Variants in SPIDR observed in about 807,000 individuals in gnomAD.
SPIDR encodes scaffold protein involved in DNA repair.
A neutral mutation model predicts 104.6 loss-of-function variants in SPIDR; 93 were observed. The observed-to-expected ratio is 0.89, with a 90% CI of 0.75 to 1.06. The LOEUF is 1.06. SPIDR is among the 50% of genes least tolerant of loss of function. The pLI is 0.00. For synonymous variants in SPIDR, 431 were observed against 416.9 expected (o/e 1.03, Z -0.41); for missense variants, 1,154 against 1,111.2 (o/e 1.04, Z -0.55).
intron 6 of SPIDR, among the ~76,000 whole-genome samples, chr8:47,406,513 G>C (rs1554667364): frequency 6.6e-6 from 1 of 152,172 alleles, no homozygotes; most frequent in African/African-American, 2.4e-5. Context: ...ATATTTCTGA[G>C]CATAAGAGGT....
rs117952998 is a variant in SPIDR, at chr8:47,367,954, G to C, written c.526-28422G>C. Among the ~76,000 whole-genome samples, 26 of 152,262 alleles carry C rather than the reference G, an allele frequency of 1.7e-4. 1 individual carries two copies. Among genetic ancestry groups the C allele is most frequent in the Middle Eastern group, 3.4e-3 (1 of 294 alleles). On this transcript the variant is annotated intron_variant, in intron 5 of 19. Coordinates refer to ENST00000297423, the MANE Select transcript of SPIDR (RefSeq NM_001080394.4). ...ATGCTTGTTATCCTAGTCCACTGGG[G>C]CTGCTGTACCAAAGTACCACAGATC...
chr8:47,452,344 C>CTTCCCTAACTCATTTTA (rs1461243149), intron 8 of SPIDR, among the ~76,000 whole-genome samples: 2 of 152,182 alleles, frequency 1.3e-5, no homozygotes, highest in African/African-American at 4.8e-5. Context: ...CTGAAAGAAT[C>CTTCCCTAACTCATTTTA]TTCCCTAACT....
intron 1 of SPIDR, chr8:47,276,789 T>C (rs2036516471): frequency 6.6e-6 from 1 of 152,204 alleles, no homozygotes; most frequent in Admixed American, 6.5e-5. Flanking sequence ...GACTTAATGA[T>C]AGAACTGGTT....
chr8:47,597,642 T>C (rs975751975), intron 9 of SPIDR, among the ~76,000 whole-genome samples: 2 of 152,238 alleles, frequency 1.3e-5, no homozygotes, highest in African/African-American at 2.4e-5. Flanking sequence ...CCTCCTTTAT[T>C]TATTTAAAAA....
intron 5 of SPIDR, among the ~76,000 whole-genome samples, chr8:47,301,137 T>C (rs1009525331): frequency 1.3e-5 from 2 of 152,208 alleles, no homozygotes; most frequent in African/African-American, 2.4e-5. Flanking sequence ...GCTCCCGTAT[T>C]GGGTGCATAT....
chr8:47,322,766 G>T (rs562140067), intron 5 of SPIDR, among the ~76,000 whole-genome samples: 10 of 152,136 alleles, frequency 6.6e-5, no homozygotes, highest in Middle Eastern at 3.4e-3. Context: ...CCATAAAAAA[G>T]GATGAGTTCA....
intron 14 of SPIDR, among the ~76,000 whole-genome samples, chr8:47,709,953 C>G (rs1403013623): frequency 1.3e-5 from 2 of 151,008 alleles, no homozygotes; most frequent in African/African-American, 4.9e-5. Context: ...TCTCAGCACA[C>G]TGCAACCTCC....
At chr8:47,572,673 A>AAAATAAATAAGTAAATAAATAAAT (rs1554807757) in intron 8 of SPIDR, among the ~76,000 whole-genome samples, 1 of 145,874 alleles carries the variant, frequency 6.9e-6, no homozygotes, top group Middle Eastern at 3.4e-3. Flanking sequence ...AAATTAAATT[A>AAAATAAATAAGTAAATAAATAAAT]AAATAAATAA....
At chr8:47,322,110 G>C (rs1009164182) in intron 5 of SPIDR, among the ~76,000 whole-genome samples, 1 of 152,052 alleles carries the variant, frequency 6.6e-6, no homozygotes, top group Non-Finnish European at 1.5e-5. Context: ...CTAATTAAAC[G>C]AAAGAGCTTC....
In SPIDR at chr8:47,490,666, A is replaced by C. The variant is rs527972593; in HGVS notation, c.1097+50124A>C. Among the ~76,000 whole-genome samples, 18 of 152,372 alleles carry C rather than the reference A, an allele frequency of 1.2e-4. No individual in the cohort carries two copies. The East Asian group carries it at 1.7e-3, about 15-fold the overall frequency. ...ATACACCATGGAATACTATGTAGCCATAAAAAAGGATGAGTTCATGTCCTT... is the reference window on the plus strand; with the variant it reads ...ATACACCATGGAATACTATGTAGCCCTAAAAAAGGATGAGTTCATGTCCTT... On this transcript the variant is annotated intron_variant, in intron 8 of 19. Transcript: ENST00000297423.
At chr8:47,435,399 G>A (rs1427722156) in intron 7 of SPIDR, among the ~76,000 whole-genome samples, 1 of 151,848 alleles carries the variant, frequency 6.6e-6, no homozygotes, top group Non-Finnish European at 1.5e-5. Context: ...AGAGCAGTTA[G>A]CTGATTAAAT....
intron 8 of SPIDR, chr8:47,511,402 T>A: frequency 1.2e-6 from 1 of 851,812 alleles, no homozygotes; most frequent in Non-Finnish European, 2.1e-6. Flanking sequence ...TTTGAAGGCT[T>A]ATTTGGACTT....
chr8:47,277,312 TTTG>T (rs2036653582), intron 1 of SPIDR, among the ~76,000 whole-genome samples: 2 of 129,968 alleles, frequency 1.5e-5, no homozygotes, highest in African/African-American at 2.8e-5. Flanking sequence ...TTATGTTATG[TTTG>T]TTATGTTATG....
At chr8:47,707,856 C>T (rs986559496) in intron 14 of SPIDR, among the ~76,000 whole-genome samples, 2 of 152,184 alleles carry the variant, frequency 1.3e-5, no homozygotes, top group African/African-American at 2.4e-5. Context: ...GATATATCGT[C>T]CTTCCTCCAT....
intron 8 of SPIDR, among the ~76,000 whole-genome samples, chr8:47,520,733 A>C (rs914848501): frequency 1.3e-5 from 2 of 152,226 alleles, no homozygotes; most frequent in Non-Finnish European, 2.9e-5. Context: ...AGGTTAAATA[A>C]CTTGCTGAAT....
intron 6 of SPIDR, 52 bp from the exon 7 acceptor site, chr8:47,407,808 AT>A: frequency 9.0e-7 from 1 of 1,107,736 alleles, no homozygotes; most frequent in Non-Finnish European, 1.3e-6. Flanking sequence ...TGTTCCAGTG[AT>A]TCTGAAGTTT....
chr8:47,588,033 ATATATATATATATATATATATATATATAT>A lies in SPIDR; in HGVS notation c.1098-7777_1098-7749del, dbSNP rs2060475189. Among the ~76,000 whole-genome samples, 57 of 23,298 alleles carry A rather than the reference ATATATATATATATATATATATATATATAT, an allele frequency of 2.4e-3. 2 individuals are homozygous for A. The highest frequency in any genetic ancestry group is 6.7e-3 in the South Asian group (5 of 746). The allele number at this position is 23,298 out of a possible 152,430, so 15.3% of individuals were successfully genotyped here. On this transcript the variant is annotated intron_variant, in intron 8 of 19. Coordinates refer to ENST00000297423, the MANE Select transcript of SPIDR (RefSeq NM_001080394.4). ...TGCAACTTTTAAAATTAGCATATAT[ATATATATATATATATATATATATATATAT>A]ATATATATATATATATATATATATA...
chr8:47,423,212 C>T (rs570901319), intron 7 of SPIDR, among the ~76,000 whole-genome samples: 30 of 151,398 alleles, frequency 2.0e-4, no homozygotes, highest in African/African-American at 4.8e-4. Flanking sequence ...ACAGGAGAAT[C>T]GCTTGAACTG....
At chr8:47,464,409 G>A (rs1309449804) in intron 8 of SPIDR, among the ~76,000 whole-genome samples, 2 of 152,116 alleles carry the variant, frequency 1.3e-5, no homozygotes, top group Admixed American at 6.5e-5. Flanking sequence ...CCAAGGAACC[G>A]GGAAGACCTG....
Sources: gnomAD v4.1 joint callset for allele counts (sites outside exome capture counted in the v4.1 genomes callset) on GRCh38, gnomAD v4.1.1 for gene constraint, MANE v1.5 for transcripts, NCBI Gene and HGNC (gene_info 2026-07-23, HGNC 2026-07-21) for gene names.